The following KDM4C variants were observed in gnomAD, a reference collection of about 807,000 sequenced individuals.
KDM4C encodes the protein lysine-specific demethylase 4C.
In KDM4C, 81 loss-of-function variants were observed where a neutral mutation model predicts 129.3. The ratio of observed to expected loss-of-function variants is 0.63; its 90% CI spans 0.52 to 0.75. The LOEUF is 0.75. Ranked by LOEUF, KDM4C falls within the 30% of genes least tolerant of loss-of-function variation. KDM4C has a pLI of 0.00. For synonymous variants in KDM4C, 573 were observed against 456.1 expected, an observed-to-expected ratio of 1.26 and a Z score of -3.26; for missense variants, 1,457 against 1,304.0, an observed-to-expected ratio of 1.12 and a Z score of -1.81.
chr9:7,124,742 C>G (rs1342915730), intron 18 of KDM4C, among the ~76,000 whole-genome samples: 1 of 152,108 alleles, frequency 6.6e-6, no homozygotes, highest in Admixed American at 6.5e-5. Context: ...CTACCGACAC[C>G]TAAAGGTACA....
At position 6,835,037 on chromosome 9, in the gene KDM4C, G is replaced by GTGGC. The variant is rs1234077543; in HGVS notation, c.436-14468_436-14465dup. 50 of 943,842 alleles carry GTGGC rather than the reference G, an allele frequency of 5.3e-5. No individual in the cohort carries two copies. In the East Asian group the frequency reaches 1.2e-3, roughly 22 times the overall value. 58.5% of individuals were successfully genotyped at this position (943,842 alleles called of 1,614,324 possible). A position where few individuals can be genotyped will look rare whatever the true frequency, so the allele number is the denominator to read the frequency against. On this transcript the variant is annotated intron_variant, in intron 4 of 21. Transcript: ENST00000381309. ...TACCTCATGAAGATCCTTACCGAGC[G>GTGGC]TGGCTACAGCTTCACCACCACGGCT...
chr9:6,947,379 A>G (rs1220371538), intron 8 of KDM4C, among the ~76,000 whole-genome samples: 1 of 151,988 alleles, frequency 6.6e-6, no homozygotes, highest in East Asian at 1.9e-4. Context: ...TTTGTCCTTT[A>G]TATTTCATTT....
intron 16 of KDM4C, among the ~76,000 whole-genome samples, chr9:7,047,307 C>T (rs943492551): frequency 6.6e-6 from 1 of 151,960 alleles, no homozygotes; most frequent in Non-Finnish European, 1.5e-5. Flanking sequence ...ATAAATCAGT[C>T]ATAGCAATGA....
chr9:7,085,153 G>C (rs1409023401), intron 17 of KDM4C, among the ~76,000 whole-genome samples: 1 of 152,208 alleles, frequency 6.6e-6, no homozygotes, highest in East Asian at 1.9e-4. Context: ...AGAGTGGCAA[G>C]GCAGAATGAA....
chr9:7,102,517 C>T (rs1206115134), intron 17 of KDM4C, among the ~76,000 whole-genome samples: 4 of 151,832 alleles, frequency 2.6e-5, no homozygotes, highest in African/African-American at 7.3e-5. Flanking sequence ...GGCAAGACAC[C>T]GTGGGCGGAG....
intron 8 of KDM4C, among the ~76,000 whole-genome samples, chr9:6,929,740 G>A (rs1823326838): frequency 6.6e-6 from 1 of 151,842 alleles, no homozygotes; most frequent in Non-Finnish European, 1.5e-5. Flanking sequence ...CCAACTTCTT[G>A]GTATGTGCAA....
At chr9:6,803,066 C>A (rs549683054) in intron 2 of KDM4C, among the ~76,000 whole-genome samples, 1 of 152,246 alleles carries the variant, frequency 6.6e-6, no homozygotes, top group South Asian at 2.1e-4. Flanking sequence ...AAGTCATTGC[C>A]ATAAACACCG....
chr9:6,799,164 G>C (rs1828407066), intron 2 of KDM4C, among the ~76,000 whole-genome samples: 1 of 152,192 alleles, frequency 6.6e-6, no homozygotes, highest in Non-Finnish European at 1.5e-5. Flanking sequence ...AGACGGGGTG[G>C]CGGCCGGGCA....
Position 6,930,280 on chromosome 9 carries a change from T to G in KDM4C, c.921+37048T>G, listed in dbSNP as rs10975908. ...AATTTTCACATTCTCAGAATAACGC[T>G]GCCCCATTCTGACACTATTTCACTG... On this transcript the variant is annotated intron_variant, in intron 8 of 21. Coordinates refer to ENST00000381309, the MANE Select transcript of KDM4C (RefSeq NM_015061.6). Among the ~76,000 whole-genome samples the G allele has an allele frequency of 3.3e-5, 5 of 152,142 alleles. No homozygotes were observed. The East Asian group carries it at 9.6e-4, about 29-fold the overall frequency.
chr9:6,759,695 G>A (rs892283440), intron 1 of KDM4C, among the ~76,000 whole-genome samples: 3 of 152,128 alleles, frequency 2.0e-5, no homozygotes, highest in Non-Finnish European at 4.4e-5. Flanking sequence ...GCTCCTGCCT[G>A]TAATCCCAAC....
chr9:7,028,286 G>A (rs12349463), intron 15 of KDM4C, among the ~76,000 whole-genome samples: 20 of 151,808 alleles, frequency 1.3e-4, no homozygotes, highest in African/African-American at 4.8e-4. Context: ...GGGCTCAAGG[G>A]CTGTTTAGTC....
chr9:6,936,723 A>T (rs911537363), intron 8 of KDM4C, among the ~76,000 whole-genome samples: 1 of 152,214 alleles, frequency 6.6e-6, no homozygotes, highest in Non-Finnish European at 1.5e-5. Flanking sequence ...ATAGTGTAGT[A>T]GGTTAAGAGC....
At chr9:6,866,178 C>G (rs1008499335) in intron 5 of KDM4C, among the ~76,000 whole-genome samples, 2 of 152,192 alleles carry the variant, frequency 1.3e-5, no homozygotes, top group Admixed American at 1.3e-4. Context: ...AGCCACTGCA[C>G]CCATCCTTTT....
chr9:7,014,928 A>ACACACACACACC (rs891640018), intron 14 of KDM4C, among the ~76,000 whole-genome samples: 1 of 140,024 alleles, frequency 7.1e-6, no homozygotes, highest in African/African-American at 2.5e-5. Flanking sequence ...ACACACACAC[A>ACACACACACACC]CACACACACA....
intron 1 of KDM4C, among the ~76,000 whole-genome samples, chr9:6,769,356 C>G (rs748633990): frequency 3.3e-5 from 5 of 151,592 alleles, no homozygotes; most frequent in Non-Finnish European, 2.9e-5. Flanking sequence ...CTTCTCTTCT[C>G]TTTTCTTTTT....
chr9:6,954,072 T>C (rs992916095), intron 8 of KDM4C, among the ~76,000 whole-genome samples: 3 of 152,230 alleles, frequency 2.0e-5, no homozygotes, highest in Non-Finnish European at 4.4e-5. Flanking sequence ...TCATGGATAC[T>C]TCACCTCATT....
chr9:6,860,377 G>A (rs1840703987), intron 5 of KDM4C, among the ~76,000 whole-genome samples: 1 of 152,164 alleles, frequency 6.6e-6, no homozygotes. Flanking sequence ...CTAGGGAATA[G>A]TTGGTGATTT....
At chr9:6,977,642 A>G (rs1833156038) in intron 8 of KDM4C, among the ~76,000 whole-genome samples, 1 of 152,012 alleles carries the variant, frequency 6.6e-6, no homozygotes, top group Non-Finnish European at 1.5e-5. Context: ...TGTTATGGAC[A>G]TTTCCTTTCA....
At chr9:7,026,157 A>T (rs549560283) in intron 15 of KDM4C, among the ~76,000 whole-genome samples, 1 of 151,818 alleles carries the variant, frequency 6.6e-6, no homozygotes, top group African/African-American at 2.4e-5. Flanking sequence ...GTGAGCCGAG[A>T]TCGCACCGCT....
Sources: allele counts gnomAD v4.1 joint callset (sites outside exome capture counted in the v4.1 genomes callset), GRCh38; gene constraint gnomAD v4.1.1; transcripts MANE v1.5; gene names NCBI Gene and HGNC (gene_info 2026-07-23, HGNC 2026-07-21).